TDRD3: variants seen among roughly 807,000 people sequenced by gnomAD.
TDRD3 encodes tudor domain containing 3, also known as tudor domain-containing protein 3.
In TDRD3, 45 loss-of-function variants were observed where a neutral mutation model predicts 86.7. The ratio of observed to expected loss-of-function variants is 0.52; its 90% CI spans 0.41 to 0.67. The LOEUF (loss-of-function observed/expected upper bound fraction) is 0.67. Ranked by LOEUF, TDRD3 falls within the 30% of genes least tolerant of loss-of-function variation. The pLI, the probability that TDRD3 is intolerant of heterozygous loss-of-function variation, is 0.00. For missense variants in TDRD3, 814 were observed against 889.0 expected (o/e 0.92, Z 1.07); for synonymous variants, 298 against 301.7 (o/e 0.99, Z 0.13).
At chr13:60,404,489 T>G (rs1311533361) in intron 1 of TDRD3, among the ~76,000 whole-genome samples, 1 of 151,548 alleles carries the variant, frequency 6.6e-6, no homozygotes, top group Non-Finnish European at 1.5e-5. Context: ...TTTTTGTATT[T>G]TTAGTAGAGA....
At chr13:60,472,845 A>G (rs1442300956) in intron 5 of TDRD3, among the ~76,000 whole-genome samples, 1 of 152,124 alleles carries the variant, frequency 6.6e-6, no homozygotes, top group Non-Finnish European at 1.5e-5. Flanking sequence ...TACAATGGTG[A>G]TTTCCACGGA....
At chr13:60,439,338 T>C (rs917341940) in intron 1 of TDRD3, among the ~76,000 whole-genome samples, 1 of 152,172 alleles carries the variant, frequency 6.6e-6, no homozygotes, top group Non-Finnish European at 1.5e-5. Context: ...TCAATCTCTT[T>C]TTAAGATCTT....
intron 1 of TDRD3, among the ~76,000 whole-genome samples, chr13:60,408,155 CT>C (rs1238172352): frequency 6.6e-6 from 1 of 152,016 alleles, no homozygotes; most frequent in Non-Finnish European, 1.5e-5. Flanking sequence ...TTGTTTCTTC[CT>C]CATTTTCTCT....
chr13:60,513,184 C>T (rs1030333243), intron 10 of TDRD3, among the ~76,000 whole-genome samples: 2 of 152,200 alleles, frequency 1.3e-5, no homozygotes, highest in Non-Finnish European at 2.9e-5. Context: ...GCAGTCACGG[C>T]CCCAGCTCTA....
chr13:60,458,486 G>A (rs553654066), intron 3 of TDRD3, among the ~76,000 whole-genome samples: 1 of 152,162 alleles, frequency 6.6e-6, no homozygotes, highest in South Asian at 2.1e-4. Context: ...GATTGAATAA[G>A]GGTGCCATGG....
chr13:60,455,035 T>G (rs1411379853), intron 3 of TDRD3, among the ~76,000 whole-genome samples: 1 of 152,092 alleles, frequency 6.6e-6, no homozygotes, highest in Non-Finnish European at 1.5e-5. Context: ...TGCCTCAGCC[T>G]CCCAAGTAGC....
At chr13:60,496,282 A>C (rs1956710389) in intron 8 of TDRD3, among the ~76,000 whole-genome samples, 1 of 106,058 alleles carries the variant, frequency 9.4e-6, no homozygotes, top group Non-Finnish European at 1.9e-5. Context: ...ATACTTAACA[A>C]ACTCCCATAT....
chr13:60,480,445 G>A (rs1323018921), intron 5 of TDRD3, among the ~76,000 whole-genome samples: 1 of 152,090 alleles, frequency 6.6e-6, no homozygotes, highest in Non-Finnish European at 1.5e-5. Context: ...TGACCTTGGA[G>A]AATCTGATGA....
intron 8 of TDRD3, among the ~76,000 whole-genome samples, chr13:60,508,142 T>G (rs1018517940): frequency 6.6e-6 from 1 of 152,160 alleles, no homozygotes; most frequent in African/African-American, 2.4e-5. Context: ...TGGAAAAATA[T>G]TCCATGCTCA....
At chr13:60,526,982 G>A (rs545589316) in intron 10 of TDRD3, among the ~76,000 whole-genome samples, 6 of 151,948 alleles carry the variant, frequency 3.9e-5, no homozygotes, top group Non-Finnish European at 8.8e-5. Flanking sequence ...TTACAGGTGT[G>A]CACCACCACA....
chr13:60,460,577 T>C (rs1955781366), intron 4 of TDRD3, 37 bp downstream of exon 4: 1 of 1,498,126 alleles, frequency 6.7e-7, no homozygotes, highest in African/African-American at 1.5e-5. Context: ...TGTTACAGAA[T>C]GTTGAAGGTG....
chr13:60,435,918 G>GTTTTTTTTTTTTTTTTTTTTT lies in TDRD3; in HGVS notation c.42-3757_42-3756insTTTTTTTTTTTTTTTTTTTTT, dbSNP rs767705603. On this transcript the variant is annotated intron_variant, in intron 1 of 13. Coordinates refer to ENST00000377881, the MANE Select transcript of TDRD3 (RefSeq NM_001146070.2). The stretch of plus-strand genomic sequence containing the variant: ...AAACCACATCATGACAACATCTATG[G>GTTTTTTTTTTTTTTTTTTTTT]TTTTTTTTTTTTTACTTTTTAATTA... 5.5e-4 allele frequency among the ~76,000 whole-genome samples: 69 copies of GTTTTTTTTTTTTTTTTTTTTT among 124,658 alleles called. 4 individuals are homozygous for GTTTTTTTTTTTTTTTTTTTTT. The highest frequency in any genetic ancestry group is 2.0e-3 in the South Asian group (7 of 3,502). 81.8% of individuals were successfully genotyped at this position (124,658 alleles called of 152,430 possible). A position where few individuals can be genotyped will look rare whatever the true frequency, so the allele number is the denominator to read the frequency against.
chr13:60,481,650 AAT>A (rs1566229597), intron 5 of TDRD3, among the ~76,000 whole-genome samples: 1 of 151,852 alleles, frequency 6.6e-6, no homozygotes, highest in Non-Finnish European at 1.5e-5. Flanking sequence ...TTTTCTTTTA[AAT>A]ACTTACACAT....
Position 60,509,868 on chromosome 13 carries a change from G to GT in TDRD3, c.965dup (p.Leu323ThrfsTer6). ...CAACAACTTAGAAGCAGCACTGAAC[G>GT]TACTTCTTACAAGCAATAAACAGAA... On this transcript the variant is annotated frameshift_variant, in exon 9 of 14. Coordinates refer to ENST00000377881, the MANE Select transcript of TDRD3 (RefSeq NM_001146070.2). LOFTEE classifies it high-confidence loss of function. The GT allele has an allele frequency of 6.2e-7, 1 of 1,613,768 alleles. No individual in the cohort carries two copies. Among genetic ancestry groups the GT allele is most frequent in the Non-Finnish European group, 8.5e-7 (1 of 1,179,720 alleles).
chr13:60,457,100 TAC>T (rs1955693805), intron 3 of TDRD3, among the ~76,000 whole-genome samples: 1 of 152,208 alleles, frequency 6.6e-6, no homozygotes, highest in South Asian at 2.1e-4. Flanking sequence ...ATGTTTTAAC[TAC>T]AGAGTATAAG....
chr13:60,435,713 A>G (rs1955071739), intron 1 of TDRD3, among the ~76,000 whole-genome samples: 1 of 152,174 alleles, frequency 6.6e-6, no homozygotes, highest in African/African-American at 2.4e-5. Context: ...GCAACTGGCA[A>G]ATTGTGCTAC....
intron 1 of TDRD3, among the ~76,000 whole-genome samples, chr13:60,433,004 T>C (rs530749379): frequency 3.4e-4 from 52 of 152,340 alleles, no homozygotes; most frequent in African/African-American, 3.8e-4. Context: ...GAACACCATG[T>C]ACCAGTCACT....
At chr13:60,429,290 A>G (rs894414889) in intron 1 of TDRD3, among the ~76,000 whole-genome samples, 12 of 152,170 alleles carry the variant, frequency 7.9e-5, no homozygotes, top group African/African-American at 2.9e-4. Context: ...TGTAAGACAT[A>G]TGATTGCATA....
At chr13:60,483,920 C>T in intron 6 of TDRD3, 74 bp downstream of exon 6, 1 of 1,387,704 alleles carries the variant, frequency 7.2e-7, no homozygotes, top group Non-Finnish European at 1.0e-6. Context: ...AGCTGTGTTT[C>T]ATTATGTGCT....
Sources: gnomAD v4.1 joint callset for allele counts (sites outside exome capture counted in the v4.1 genomes callset) on GRCh38, gnomAD v4.1.1 for gene constraint, MANE v1.5 for transcripts, NCBI Gene and HGNC (gene_info 2026-07-23, HGNC 2026-07-21) for gene names.